Variants in CFAP58 observed in about 807,000 individuals in gnomAD.
The protein encoded by CFAP58 is cilia and flagella associated protein 58.
In CFAP58, 88 loss-of-function variants were observed where a neutral mutation model predicts 119.5. The observed-to-expected ratio is 0.74, with a 90% CI of 0.62 to 0.88. The LOEUF (loss-of-function observed/expected upper bound fraction) is 0.88. CFAP58 is among the 40% of genes least tolerant of loss of function. The pLI, the probability that CFAP58 is intolerant of heterozygous loss-of-function variation, is 0.00. For missense variants in CFAP58, 990 were observed against 1,021.2 expected (o/e 0.97, Z 0.42); for synonymous variants, 365 against 366.3 (o/e 1.00, Z 0.04).
chr10:104,361,776 C>T (rs745881081), intron 2 of CFAP58, among the ~76,000 whole-genome samples: 18 of 152,192 alleles, frequency 1.2e-4, no homozygotes, highest in Non-Finnish European at 2.2e-4. Flanking sequence ...GCCTCAAATT[C>T]CCGGACTCAA....
intron 9 of CFAP58, chr10:104,382,314 G>C (rs549377234): frequency 1.6e-6 from 1 of 608,236 alleles, no homozygotes; most frequent in Admixed American, 2.7e-5. Flanking sequence ...CCTTAGGGAG[G>C]GGCCCTGTAG....
the CFAP58 span, among the ~76,000 whole-genome samples, chr10:104,339,925 G>A: frequency 6.6e-6 from 1 of 152,186 alleles, no homozygotes; most frequent in Admixed American, 6.5e-5. Flanking sequence ...TGAAGTAAGA[G>A]CGCTGGGCTG....
Position 104,400,761 on chromosome 10 carries a change from A to T in CFAP58, c.1897A>T (p.Ile633Phe). ...AGCTTTGCTCTATGAGAAGATCAAG[A>T]TCCAACAGTCTGTGCTGAATAAAGG... Reference protein sequence around the residue: ...ELALLYEKIKIQQSVLNKGES... With the variant: ...ELALLYEKIKFQQSVLNKGES... The change falls in exon 13 of 18, where the codon ATC becomes TTC. Residue 633 changes from isoleucine to phenylalanine, a missense_variant. By Grantham distance (21) the Ile-to-Phe change is conservative. Transcript: ENST00000369704. The T allele has an allele frequency of 6.2e-7, 1 of 1,614,130 alleles. No homozygotes were observed. The highest frequency in any genetic ancestry group is 8.5e-7 in the Non-Finnish European group (1 of 1,180,028).
At chr10:104,441,392 C>T (rs929683407) in intron 15 of CFAP58, among the ~76,000 whole-genome samples, 10 of 152,262 alleles carry the variant, frequency 6.6e-5, no homozygotes, top group Non-Finnish European at 1.0e-4. Context: ...TTTCTCTGGA[C>T]GTGTTTCATT....
At chr10:104,347,018 C>A in the CFAP58 span, among the ~76,000 whole-genome samples, 2 of 152,054 alleles carry the variant, frequency 1.3e-5, 1 homozygote, top group Non-Finnish European at 2.9e-5. Flanking sequence ...CAAACTGCAA[C>A]CTTGGTGTCT....
At chr10:104,417,406 T>C (rs1265021626) in intron 15 of CFAP58, among the ~76,000 whole-genome samples, 1 of 152,212 alleles carries the variant, frequency 6.6e-6, no homozygotes, top group Non-Finnish European at 1.5e-5. Flanking sequence ...TATTTGTAGT[T>C]TGGAGGATGA....
intron 9 of CFAP58, among the ~76,000 whole-genome samples, chr10:104,391,570 C>A (rs549892449): frequency 6.6e-6 from 1 of 152,122 alleles, no homozygotes; most frequent in Non-Finnish European, 1.5e-5. Flanking sequence ...GACGTCATTG[C>A]TACTGTGTGC....
rs369120364 is a variant in CFAP58, at chr10:104,366,030, G to T, written c.792+22G>T. The T allele has an allele frequency of 3.5e-5, 53 of 1,533,010 alleles. No individual in the cohort carries two copies. In the African/African-American group the frequency reaches 3.5e-4, roughly 10 times the overall value. The allele number at this position is 1,533,010 out of a possible 1,614,324, so 95.0% of individuals were successfully genotyped here. On this transcript the variant is annotated intron_variant, in intron 5 of 17. Coordinates refer to ENST00000369704, the MANE Select transcript of CFAP58 (RefSeq NM_001008723.2). Reference sequence around the variant, plus strand: ...GAAGGTGAGTTGGGTGTGGGTCTTCGCAAAAAACCAAGAAAAACCCAGAAT... The same window carrying T: ...GAAGGTGAGTTGGGTGTGGGTCTTCTCAAAAAACCAAGAAAAACCCAGAAT...
At chr10:104,422,161 G>A (rs1163492051) in intron 15 of CFAP58, among the ~76,000 whole-genome samples, 3 of 152,244 alleles carry the variant, frequency 2.0e-5, no homozygotes, top group South Asian at 2.1e-4. Flanking sequence ...GCGACAGAGT[G>A]AGACTCCATC....
At chr10:104,367,904 G>A (rs942544736) in intron 5 of CFAP58, among the ~76,000 whole-genome samples, 1 of 152,192 alleles carries the variant, frequency 6.6e-6, no homozygotes, top group Non-Finnish European at 1.5e-5. Flanking sequence ...AAATCACTTT[G>A]CTGCTGTTCC....
chr10:104,429,356 G>A (rs2012805056), intron 15 of CFAP58, among the ~76,000 whole-genome samples: 2 of 152,176 alleles, frequency 1.3e-5, no homozygotes, highest in South Asian at 4.1e-4. Flanking sequence ...CCTGCATTCA[G>A]ACAGGGAGAC....
At chr10:104,376,964 T>C in intron 8 of CFAP58, 71 bp downstream of exon 8, 2 of 1,216,660 alleles carry the variant, frequency 1.6e-6, no homozygotes, top group Non-Finnish European at 2.4e-6. Flanking sequence ...CTATAGCCAG[T>C]TGGATGGGAA....
intron 2 of CFAP58, among the ~76,000 whole-genome samples, chr10:104,360,593 G>A (rs2014653461): frequency 6.6e-6 from 1 of 152,130 alleles, no homozygotes; most frequent in South Asian, 2.1e-4. Flanking sequence ...ATTAAGCCTA[G>A]TATCCATTTG....
intron 15 of CFAP58, among the ~76,000 whole-genome samples, chr10:104,414,661 AATTTTT>A (rs1474701531): frequency 2.0e-5 from 3 of 151,500 alleles, no homozygotes; most frequent in Admixed American, 6.6e-5. Flanking sequence ...CTCTTAATTT[AATTTTT>A]ATTTTTATTT....
chr10:104,404,665 A>G (rs1288332232), intron 14 of CFAP58, among the ~76,000 whole-genome samples: 5 of 151,854 alleles, frequency 3.3e-5, no homozygotes, highest in African/African-American at 1.2e-4. Context: ...GCTGGAGTGC[A>G]GTGGCGTGAT....
chr10:104,387,085 C>T (rs958114652), intron 9 of CFAP58, among the ~76,000 whole-genome samples: 1 of 152,196 alleles, frequency 6.6e-6, no homozygotes, highest in Non-Finnish European at 1.5e-5. Context: ...GAAGAAGATC[C>T]CCTTTTGTGC....
chr10:104,358,595 TCAGACCACCATTG>T lies in CFAP58; in HGVS notation c.267_279del (p.Gln89HisfsTer3). The T allele has an allele frequency of 1.2e-6, 2 of 1,613,724 alleles. No individual in the cohort carries two copies. Among genetic ancestry groups the T allele is most frequent in the Non-Finnish European group, 1.7e-6 (2 of 1,179,698 alleles). ...CTGCCCTTAAGCTCTCTCAGGATGA[TCAGACCACCATTG>T]CATCCCTAAAGAAGGTCAGTGATCT... On this transcript the variant is annotated frameshift_variant, in exon 2 of 18. Transcript: ENST00000369704. LOFTEE classifies it high-confidence loss of function.
the CFAP58 span, among the ~76,000 whole-genome samples, chr10:104,347,575 A>G: frequency 4.6e-5 from 7 of 152,052 alleles, no homozygotes; most frequent in Non-Finnish European, 7.4e-5. Flanking sequence ...AGTTTTTACC[A>G]TGTCGTTAAG....
In CFAP58 at chr10:104,414,705, T is replaced by G. The variant is rs554650379; in HGVS notation, c.2256+7912T>G. 1.6e-4 allele frequency among the ~76,000 whole-genome samples: 25 copies of G among 152,338 alleles called. No homozygotes were observed. The South Asian group carries it at 4.4e-3, about 27-fold the overall frequency. ...ATTTTTTTGAGACGGATTCTTGCTC[T>G]GTCACCCAGGCTGGAGTGCAGTGGC... On this transcript the variant is annotated intron_variant, in intron 15 of 17. Transcript: ENST00000369704.
Sources: allele counts gnomAD v4.1 joint callset (sites outside exome capture counted in the v4.1 genomes callset), GRCh38; gene constraint gnomAD v4.1.1; transcripts MANE v1.5; gene names NCBI Gene and HGNC (gene_info 2026-07-23, HGNC 2026-07-21).